Variants in USP32 observed in about 807,000 individuals in gnomAD.
USP32 encodes ubiquitin specific peptidase 32.
In USP32, 59 loss-of-function variants were observed where a neutral mutation model predicts 204.8. That is an observed-to-expected ratio of 0.29 (90% CI 0.23 to 0.36). The LOEUF (loss-of-function observed/expected upper bound fraction) is 0.36. Among genes scored for constraint, USP32 ranks in the 10% least tolerant of loss-of-function variants. The probability of loss-of-function intolerance (pLI) is 1.00; values close to 1 mark genes in which losing one functional copy is unlikely to be tolerated. For synonymous variants in USP32, 517 were observed against 678.4 expected (o/e 0.76, Z 3.70); for missense variants, 1,160 against 1,946.4 (o/e 0.60, Z 7.60).
chr17:60,197,354 C>T (rs538241872), intron 27 of USP32, among the ~76,000 whole-genome samples: 6 of 152,314 alleles, frequency 3.9e-5, no homozygotes, highest in South Asian at 2.1e-4. Context: ...CCTGTAATCC[C>T]AGCACTTTGG....
intron 1 of USP32, among the ~76,000 whole-genome samples, chr17:60,406,812 C>CCTTTCTTT (rs199628321): frequency 1.7e-4 from 26 of 152,048 alleles, no homozygotes; most frequent in African/African-American, 3.1e-4. Flanking sequence ...CTGCGCCTGG[C>CCTTTCTTT]CTTTCTTTCT....
At chr17:60,344,869 G>A (rs1333229524) in intron 2 of USP32, among the ~76,000 whole-genome samples, 1 of 152,058 alleles carries the variant, frequency 6.6e-6, no homozygotes, top group East Asian at 1.9e-4. Context: ...TCACTATGTT[G>A]CCTAGACTGG....
At chr17:60,238,902 A>G (rs1042510079) in intron 11 of USP32, among the ~76,000 whole-genome samples, 1 of 152,062 alleles carries the variant, frequency 6.6e-6, no homozygotes, top group African/African-American at 2.4e-5. Context: ...GGTTGCAGTG[A>G]GCTGTGATGG....
intron 3 of USP32, among the ~76,000 whole-genome samples, chr17:60,297,518 G>T (rs761027827): frequency 6.6e-6 from 1 of 150,502 alleles, no homozygotes; most frequent in Non-Finnish European, 1.5e-5. Flanking sequence ...GCGCAATCTC[G>T]GCTCACTGCA....
chr17:60,370,208 G>T (rs2089409872), intron 1 of USP32, among the ~76,000 whole-genome samples: 3 of 151,888 alleles, frequency 2.0e-5, no homozygotes, highest in African/African-American at 7.2e-5. Flanking sequence ...AAAATAAAAA[G>T]AATTTTTTTA....
intron 2 of USP32, among the ~76,000 whole-genome samples, chr17:60,302,471 C>T (rs1259473930): frequency 6.6e-6 from 1 of 152,198 alleles, no homozygotes; most frequent in Non-Finnish European, 1.5e-5. Flanking sequence ...ACAGTCTAGG[C>T]TAAGCTCTGA....
intron 1 of USP32, among the ~76,000 whole-genome samples, chr17:60,370,792 G>T (rs1330530054): frequency 6.7e-6 from 1 of 148,686 alleles, no homozygotes; most frequent in Non-Finnish European, 1.5e-5. Context: ...AAGAAGAAAA[G>T]AGAAAAAAAT....
At chr17:60,310,631 G>A (rs913531717) in intron 2 of USP32, among the ~76,000 whole-genome samples, 25 of 152,232 alleles carry the variant, frequency 1.6e-4, no homozygotes, top group African/African-American at 5.1e-4. Flanking sequence ...CCCGGGAGGC[G>A]GAGGTTGCAG....
At position 60,271,378 on chromosome 17, in the gene USP32, T is replaced by C; in HGVS notation, c.675A>G (p.Ser225=). Residue 225 remains serine (S), a synonymous_variant, in exon 6 of 34, where the codon TCA becomes TCG. Coordinates refer to ENST00000300896, the MANE Select transcript of USP32 (RefSeq NM_032582.4). ...CACTTAGAGATGGACGAATAGGTGG[T>C]GAAACCAATGGGCCAAATGTCTCTA... The part of the protein sequence containing the change: ...FDLETFGPLV[S]PPIRPSLSEG... The C allele has an allele frequency of 1.2e-6, 2 of 1,614,130 alleles. No homozygotes were observed. The highest frequency in any genetic ancestry group is 4.5e-5 in the East Asian group (2 of 44,860).
chr17:60,191,955 G>A (rs1231198321), intron 28 of USP32, among the ~76,000 whole-genome samples: 2 of 151,994 alleles, frequency 1.3e-5, no homozygotes, highest in Non-Finnish European at 2.9e-5. Flanking sequence ...TTCCAGCAAG[G>A]TCTAGTAAAG....
intron 3 of USP32, among the ~76,000 whole-genome samples, chr17:60,299,178 CA>C (rs981412198): frequency 2.8e-4 from 43 of 152,144 alleles, no homozygotes; most frequent in African/African-American, 9.2e-4. Context: ...AACCACGTAT[CA>C]AAATATATAC....
chr17:60,413,976 G>C (rs1598324544), intron 1 of USP32, among the ~76,000 whole-genome samples: 1 of 151,996 alleles, frequency 6.6e-6, no homozygotes, highest in African/African-American at 2.4e-5. Context: ...GTTGGTTTGG[G>C]AACAGTCCTC....
chr17:60,405,174 G>T (rs931373371), intron 1 of USP32, among the ~76,000 whole-genome samples: 3 of 151,904 alleles, frequency 2.0e-5, no homozygotes, highest in African/African-American at 7.3e-5. Context: ...AAAATAAAAA[G>T]AACAAAAAAT....
chr17:60,210,237 A>T (rs950866009), intron 21 of USP32, among the ~76,000 whole-genome samples: 1 of 151,980 alleles, frequency 6.6e-6, no homozygotes, highest in African/African-American at 2.4e-5. Flanking sequence ...AATAATCCTA[A>T]CTTCACTAAA....
At chr17:60,315,151 A>G (rs1470892911) in intron 2 of USP32, among the ~76,000 whole-genome samples, 1 of 152,232 alleles carries the variant, frequency 6.6e-6, no homozygotes, top group East Asian at 1.9e-4. Context: ...TAATCCTAGC[A>G]CTTTGGGAGG....
chr17:60,421,740 C>T (rs2143145823), intron 1 of USP32: 1 of 809,388 alleles, frequency 1.2e-6, no homozygotes. Flanking sequence ...CACCCGGACT[C>T]TGCCCACCGC....
intron 1 of USP32, among the ~76,000 whole-genome samples, chr17:60,357,718 C>T (rs539995037): frequency 6.6e-6 from 1 of 152,064 alleles, no homozygotes; most frequent in African/African-American, 2.4e-5. Flanking sequence ...CTGGAAAGGA[C>T]TGGATGACTC....
chr17:60,387,845 T>A (rs1567890945), intron 1 of USP32, among the ~76,000 whole-genome samples: 1 of 152,192 alleles, frequency 6.6e-6, no homozygotes, highest in Non-Finnish European at 1.5e-5. Flanking sequence ...GAAAATCTCA[T>A]GTAATTTATT....
At position 60,366,792 on chromosome 17, in the gene USP32, C is replaced by T. The variant is rs1391190180; in HGVS notation, c.59-21184G>A. On this transcript the variant is annotated intron_variant, in intron 1 of 33. Transcript: ENST00000300896. The stretch of plus-strand genomic sequence containing the variant: ...CTTTTCTTGAAGAAACAGAGACACG[C>T]TATTACTAAAGTATATAAAGATTTT... Among the ~76,000 whole-genome samples the T allele has an allele frequency of 7.2e-5, 11 of 151,766 alleles. No individual in the cohort carries two copies. In the East Asian group the frequency reaches 1.6e-3, roughly 21 times the overall value.
Sources: gnomAD v4.1 joint callset for allele counts (sites outside exome capture counted in the v4.1 genomes callset) on GRCh38, gnomAD v4.1.1 for gene constraint, MANE v1.5 for transcripts, NCBI Gene and HGNC (gene_info 2026-07-23, HGNC 2026-07-21) for gene names.